The following GRIK4 variants were observed in gnomAD, a reference collection of about 807,000 sequenced individuals.
The protein encoded by GRIK4 is glutamate receptor ionotropic, kainate 4.
GRIK4 carries 40 observed loss-of-function variants against 104.9 expected under a neutral mutation model. That is an observed-to-expected ratio of 0.38 (90% confidence interval 0.30 to 0.50). The LOEUF is 0.50. GRIK4 is among the 20% of genes least tolerant of loss of function. The pLI, the probability that GRIK4 is intolerant of heterozygous loss-of-function variation, is 0.93. For synonymous variants in GRIK4, 485 were observed against 524.9 expected, an observed-to-expected ratio of 0.92 and a Z score of 1.04; for missense variants, 1,047 against 1,308.1, an observed-to-expected ratio of 0.80 and a Z score of 3.08.
chr11:120,563,187 A>G (rs559265176), intron 1 of GRIK4, among the ~76,000 whole-genome samples: 47 of 152,330 alleles, frequency 3.1e-4, no homozygotes, highest in African/African-American at 1.1e-3. Context: ...AGTGTCTAGT[A>G]TCAGCCTCTT....
chr11:120,961,918 T>TG (rs997938105), intron 17 of GRIK4, among the ~76,000 whole-genome samples: 1 of 152,248 alleles, frequency 6.6e-6, no homozygotes, highest in Admixed American at 6.5e-5. Flanking sequence ...AGAGTTTGGA[T>TG]AGACCCCCAG....
At chr11:120,649,796 C>T (rs1370486730) in intron 1 of GRIK4, among the ~76,000 whole-genome samples, 1 of 152,206 alleles carries the variant, frequency 6.6e-6, no homozygotes, top group East Asian at 1.9e-4. Flanking sequence ...TTATATTTAT[C>T]TGGAGGTGAT....
At chr11:120,595,302 T>A (rs1275397392) in intron 1 of GRIK4, among the ~76,000 whole-genome samples, 1 of 152,284 alleles carries the variant, frequency 6.6e-6, no homozygotes, top group East Asian at 1.9e-4. Flanking sequence ...CAGATTGTTT[T>A]CACATAAAGG....
At chr11:120,961,281 C>T (rs1025919096) in intron 17 of GRIK4, among the ~76,000 whole-genome samples, 4 of 152,086 alleles carry the variant, frequency 2.6e-5, no homozygotes, top group South Asian at 2.1e-4. Context: ...TAATATCAGC[C>T]GGTGCCAGAG....
chr11:120,626,417 A>T (rs1055940724), intron 1 of GRIK4, among the ~76,000 whole-genome samples: 4 of 152,096 alleles, frequency 2.6e-5, no homozygotes, highest in African/African-American at 9.7e-5. Flanking sequence ...TATTGGAGGG[A>T]AACTGATGCG....
intron 1 of GRIK4, among the ~76,000 whole-genome samples, chr11:120,518,012 A>T (rs1052072851): frequency 5.9e-5 from 9 of 152,232 alleles, no homozygotes; most frequent in African/African-American, 1.9e-4. Context: ...ATCTGGAGGC[A>T]GGGGAAGCCG....
At chr11:120,579,876 A>T (rs1948545613) in intron 1 of GRIK4, among the ~76,000 whole-genome samples, 1 of 152,120 alleles carries the variant, frequency 6.6e-6, no homozygotes. Flanking sequence ...TCACCTGCCA[A>T]ATTCCCCCAC....
At chr11:120,732,183 G>T (rs1252216342) in intron 3 of GRIK4, among the ~76,000 whole-genome samples, 1 of 152,064 alleles carries the variant, frequency 6.6e-6, no homozygotes, top group African/African-American at 2.4e-5. Context: ...CCAAACTGCA[G>T]TGCAGTGGTG....
At chr11:120,800,260 T>A (rs1565360120) in intron 3 of GRIK4, among the ~76,000 whole-genome samples, 1 of 152,190 alleles carries the variant, frequency 6.6e-6, no homozygotes, top group Non-Finnish European at 1.5e-5. Context: ...GGAGCTGGTA[T>A]GGGGCTGGAG....
In GRIK4 at chr11:120,713,455, G is replaced by A. The variant is rs181743085; in HGVS notation, c.82+53055G>A. 1.6e-3 allele frequency among the ~76,000 whole-genome samples: 245 copies of A among 152,272 alleles called. 1 individual carries two copies. Among genetic ancestry groups the A allele is most frequent in the Non-Finnish European group, 2.7e-3 (187 of 68,016 alleles). On this transcript the variant is annotated intron_variant, in intron 3 of 20. Coordinates refer to ENST00000527524, the MANE Select transcript of GRIK4 (RefSeq NM_014619.5). The stretch of plus-strand genomic sequence containing the variant: ...GAAGACAGAGGGGGGCCACCCTTGC[G>A]TCACTGACATTGGGCTCTTCAGTCA...
rs980709310 is a variant in GRIK4 at position 120,836,727 on chromosome 11, A to G, written c.691-64A>G. The G allele has an allele frequency of 4.0e-6, 4 of 1,011,732 alleles. No individual in the cohort carries two copies. The African/African-American group carries it at 4.7e-5, about 12-fold the overall frequency. The allele number at this position is 1,011,732 out of a possible 1,614,324, so 62.7% of individuals were successfully genotyped here. A position where few individuals can be genotyped will look rare whatever the true frequency, so the allele number is the denominator to read the frequency against. On this transcript the variant is annotated intron_variant, in intron 7 of 20. Transcript: ENST00000527524. ...CAAATGGTAGACACTTGGAACCCCT[A>G]CTGCTCATTTGCTTCAAGTGAGTTT...
At chr11:120,678,935 GTT>G (rs56145030) in intron 3 of GRIK4, among the ~76,000 whole-genome samples, 32 of 148,532 alleles carry the variant, frequency 2.2e-4, no homozygotes, top group African/African-American at 6.4e-4. Context: ...GCCTGGCCTG[GTT>G]TTTTTTTTTT....
At chr11:120,882,124 C>T (rs968153916) in intron 11 of GRIK4, among the ~76,000 whole-genome samples, 1 of 152,080 alleles carries the variant, frequency 6.6e-6, no homozygotes, top group African/African-American at 2.4e-5. Flanking sequence ...TGGAGAGGTA[C>T]CCCCGGCATC....
chr11:120,517,750 G>A (rs757786664), intron 1 of GRIK4, among the ~76,000 whole-genome samples: 1 of 152,156 alleles, frequency 6.6e-6, no homozygotes, highest in Non-Finnish European at 1.5e-5. Context: ...TGATAGTCCT[G>A]TGAAGGCCCC....
chr11:120,562,991 G>A (rs1948259389), intron 1 of GRIK4, among the ~76,000 whole-genome samples: 1 of 152,184 alleles, frequency 6.6e-6, no homozygotes, highest in African/African-American at 2.4e-5. Context: ...CCAGTGGGCT[G>A]TGGATGTATG....
chr11:120,807,200 C>T (rs1453433205), intron 4 of GRIK4, among the ~76,000 whole-genome samples: 1 of 152,206 alleles, frequency 6.6e-6, no homozygotes, highest in Non-Finnish European at 1.5e-5. Context: ...AGCCTTTCTT[C>T]TGCAGGGAGC....
intron 3 of GRIK4, among the ~76,000 whole-genome samples, chr11:120,705,891 G>T (rs1045595106): frequency 1.3e-5 from 2 of 152,112 alleles, no homozygotes; most frequent in African/African-American, 2.4e-5. Context: ...TTGTTTATTA[G>T]CTCTAGTAGT....
chr11:120,650,452 C>G (rs920083918), intron 1 of GRIK4, among the ~76,000 whole-genome samples: 2 of 152,350 alleles, frequency 1.3e-5, no homozygotes, highest in Admixed American at 1.3e-4. Flanking sequence ...CTGCCCTCCT[C>G]ATGTGTTGTT....
chr11:120,858,344 T>C (rs1476210646), intron 8 of GRIK4: 2 of 152,118 alleles, frequency 1.3e-5, no homozygotes, highest in Non-Finnish European at 2.9e-5. Context: ...CCGCAAAATG[T>C]CTCCACCACT....
Sources: gnomAD v4.1 joint callset for allele counts (sites outside exome capture counted in the v4.1 genomes callset) on GRCh38, gnomAD v4.1.1 for gene constraint, MANE v1.5 for transcripts, NCBI Gene and HGNC (gene_info 2026-07-23, HGNC 2026-07-21) for gene names.